The following ALOX5AP variants were observed in gnomAD, a reference collection of about 807,000 sequenced individuals.
The protein encoded by ALOX5AP is arachidonate 5-lipoxygenase activating protein, also known as arachidonate 5-lipoxygenase-activating protein.
Under a neutral mutation model 18.5 loss-of-function variants are expected in ALOX5AP, and 9 were observed. The observed-to-expected ratio is 0.49, with a 90% confidence interval of 0.29 to 0.85. The LOEUF (loss-of-function observed/expected upper bound fraction) is 0.85. Ranked by LOEUF, ALOX5AP falls within the 40% of genes least tolerant of loss-of-function variation. ALOX5AP has a pLI of 0.08. For missense variants in ALOX5AP, 172 were observed against 202.5 expected (o/e 0.85, Z 0.91); for synonymous variants, 81 against 78.6 (o/e 1.03, Z -0.16).
At position 30,739,736 on chromosome 13, in the gene ALOX5AP, A is replaced by G. The variant is rs12430051; in HGVS notation, c.70+4061A>G. The stretch of plus-strand genomic sequence containing the variant: ...AGGCATGAAACCAGCCTAGAAATAC[A>G]TACTATTATTTATTCTTGTTTTACA... On this transcript the variant is annotated intron_variant, in intron 1 of 4. Coordinates refer to ENST00000380490, the MANE Select transcript of ALOX5AP (RefSeq NM_001629.4). 6.5e-3 allele frequency among the ~76,000 whole-genome samples: 992 copies of G among 152,356 alleles called. 47 individuals carry two copies. The highest frequency in any genetic ancestry group is 0.061 in the Admixed American group (932 of 15,294).
chr13:30,726,132 G>C (rs375973579), intron 1 of ALOX5AP, among the ~76,000 whole-genome samples: 4 of 152,114 alleles, frequency 2.6e-5, no homozygotes, highest in African/African-American at 4.8e-5. Flanking sequence ...TAGCTCCTGT[G>C]GGGGGAATGC....
chr13:30,755,808 C>T, intron 3 of ALOX5AP, 136 bp from the exon 4 acceptor site: 1 of 768,854 alleles, frequency 1.3e-6, no homozygotes, highest in African/African-American at 1.7e-5. Context: ...CAGGTTTCCT[C>T]TAGCCCTTGG....
intron 1 of ALOX5AP, among the ~76,000 whole-genome samples, chr13:30,716,866 C>A (rs1180273741): frequency 2.6e-5 from 4 of 152,228 alleles, no homozygotes; most frequent in Non-Finnish European, 4.4e-5. Flanking sequence ...AAGGAAGAAG[C>A]ACACAGCACA....
At chr13:30,731,621 G>A (rs1305540417), upstream of ALOX5AP, among the ~76,000 whole-genome samples, 1 of 152,096 alleles carries the variant, frequency 6.6e-6, no homozygotes, top group African/African-American at 2.4e-5. Flanking sequence ...CTCTAGCCTC[G>A]GCCTTCCAAA....
chr13:30,730,540 C>G (rs1197878899), intron 1 of ALOX5AP, among the ~76,000 whole-genome samples: 1 of 152,212 alleles, frequency 6.6e-6, no homozygotes, highest in Non-Finnish European at 1.5e-5. Flanking sequence ...CCCTGCCTGG[C>G]ACAGACCCCA....
chr13:30,728,018 G>A (rs1439854319), intron 1 of ALOX5AP, among the ~76,000 whole-genome samples: 1 of 152,154 alleles, frequency 6.6e-6, no homozygotes, highest in Non-Finnish European at 1.5e-5. Context: ...ACTTCAGAAT[G>A]TAACCTCATC....
At position 30,759,023 on chromosome 13, in the gene ALOX5AP, T is replaced by A. The variant is rs540743307; in HGVS notation, c.323+2998T>A. Among the ~76,000 whole-genome samples, 171 of 152,294 alleles carry A rather than the reference T, an allele frequency of 1.1e-3. 1 individual carries two copies. Among genetic ancestry groups the A allele is most frequent in the African/African-American group, 3.9e-3 (160 of 41,556 alleles). ...TAGTAGAGATAGGGTTTAGCTATGT[T>A]GGCCAGGCTGGTCTCGAACTGCTGA... is the stretch of plus-strand genomic sequence containing the variant. On this transcript the variant is annotated intron_variant, in intron 4 of 4. Coordinates refer to ENST00000380490, the MANE Select transcript of ALOX5AP (RefSeq NM_001629.4).
chr13:30,761,173 C>T (rs1161842199), intron 4 of ALOX5AP, among the ~76,000 whole-genome samples: 1 of 152,158 alleles, frequency 6.6e-6, no homozygotes, highest in Non-Finnish European at 1.5e-5. Context: ...GCCCTGCAGA[C>T]AAGGGAGCAG....
chr13:30,734,589 C>A (rs999259438), upstream of ALOX5AP, among the ~76,000 whole-genome samples: 7 of 152,220 alleles, frequency 4.6e-5, no homozygotes, highest in African/African-American at 1.7e-4. Flanking sequence ...ACCCACCCAG[C>A]AGGTCCACTC....
intron 1 of ALOX5AP, among the ~76,000 whole-genome samples, chr13:30,718,222 G>C (rs557982776): frequency 6.6e-6 from 1 of 151,798 alleles, no homozygotes; most frequent in Non-Finnish European, 1.5e-5. Flanking sequence ...GCCTCCCAAA[G>C]TGCTGGGATC....
At chr13:30,763,689 G>A (rs1264025302) in intron 4 of ALOX5AP, among the ~76,000 whole-genome samples, 2 of 152,168 alleles carry the variant, frequency 1.3e-5, no homozygotes, top group South Asian at 2.1e-4. Context: ...ACAGAGGGGC[G>A]GGTACAGCAG....
intron 1 of ALOX5AP, among the ~76,000 whole-genome samples, chr13:30,736,369 A>AACAAC (rs1566082984): frequency 6.6e-6 from 1 of 151,964 alleles, no homozygotes; most frequent in African/African-American, 2.4e-5. Context: ...ACAACAACAA[A>AACAAC]AAACAAGCAG....
chr13:30,749,411 G>C (rs758882276), intron 2 of ALOX5AP, among the ~76,000 whole-genome samples: 11 of 152,168 alleles, frequency 7.2e-5, no homozygotes, highest in Non-Finnish European at 1.3e-4. Flanking sequence ...TACCCCATCA[G>C]ACACAGAATG....
rs17245428 is a variant in ALOX5AP at position 30,736,220 on chromosome 13, C to T, written c.70+545C>T. Among the ~76,000 whole-genome samples, 1,491 of 150,634 alleles carry T rather than the reference C, an allele frequency of 9.9e-3. 25 individuals carry two copies. The highest frequency in any genetic ancestry group is 0.034 in the African/African-American group (1,413 of 40,988). ...AAGAAACTTTTTTTTTTGGTGATAC[C>T]TTCTTTTTCTCTAGCACGTATAATT... On this transcript the variant is annotated intron_variant, in intron 1 of 4. Transcript: ENST00000380490.
chr13:30,728,389 A>G (rs1053011754), intron 1 of ALOX5AP, among the ~76,000 whole-genome samples: 14 of 152,228 alleles, frequency 9.2e-5, no homozygotes, highest in Non-Finnish European at 1.6e-4. Flanking sequence ...AAATACACTC[A>G]GACTGTTTAA....
chr13:30,714,206 C>CAA (rs57400275), intron 1 of ALOX5AP, among the ~76,000 whole-genome samples: 108 of 111,854 alleles, frequency 9.7e-4, no homozygotes, highest in African/African-American at 2.8e-3. Flanking sequence ...TGCTAACTTT[C>CAA]AAAAAAAAAA....
intron 2 of ALOX5AP, among the ~76,000 whole-genome samples, chr13:30,751,839 G>C (rs1022719341): frequency 6.6e-6 from 1 of 152,240 alleles, no homozygotes; most frequent in Non-Finnish European, 1.5e-5. Flanking sequence ...AGAGTTAATG[G>C]ATTATGAACA....
chr13:30,747,483 T>G (rs1342262205), intron 2 of ALOX5AP, among the ~76,000 whole-genome samples: 1 of 152,208 alleles, frequency 6.6e-6, no homozygotes, highest in Admixed American at 6.5e-5. Flanking sequence ...TGTTCACATG[T>G]ATAAAACACA....
chr13:30,719,628 T>C (rs1320084765), intron 1 of ALOX5AP, among the ~76,000 whole-genome samples: 8 of 152,206 alleles, frequency 5.3e-5, no homozygotes, highest in Admixed American at 6.5e-5. Flanking sequence ...TTAGTGACTA[T>C]TCTCTGTTTA....
Sources: gnomAD v4.1 joint callset for allele counts (sites outside exome capture counted in the v4.1 genomes callset) on GRCh38, gnomAD v4.1.1 for gene constraint, MANE v1.5 for transcripts, NCBI Gene and HGNC (gene_info 2026-07-23, HGNC 2026-07-21) for gene names.